OPCML: variants seen among roughly 807,000 people sequenced by gnomAD.
OPCML encodes opioid-binding protein/cell adhesion molecule.
In OPCML, 13 loss-of-function variants were observed where a neutral mutation model predicts 37.8. That is an observed-to-expected ratio of 0.34 (90% CI 0.22 to 0.55). The LOEUF is 0.55. Ranked by LOEUF, OPCML falls within the 20% of genes least tolerant of loss-of-function variation. OPCML has a pLI of 0.91. For missense variants in OPCML, 341 were observed against 435.6 expected (o/e 0.78, Z 1.93); for synonymous variants, 176 against 168.8 (o/e 1.04, Z -0.33).
At chr11:132,619,521 A>C (rs1939262081) in intron 3 of OPCML, among the ~76,000 whole-genome samples, 1 of 152,030 alleles carries the variant, frequency 6.6e-6, no homozygotes, top group African/African-American at 2.4e-5. Context: ...GCTTGGAATA[A>C]AGGAGCATGA....
rs183637702 is a variant in OPCML at position 133,056,698 on chromosome 11, G to C, written c.62-113688C>G. ...TAATCTCTGCCAAGCCCTCAAGCAT[G>C]TGCAGTACTCAGATGGTTTTCTATT... On this transcript the variant is annotated intron_variant, in intron 1 of 7. Coordinates refer to ENST00000524381, the MANE Select transcript of OPCML (RefSeq NM_001012393.5). 9.8e-5 allele frequency among the ~76,000 whole-genome samples: 15 copies of C among 152,302 alleles called. 1 individual carries two copies. In the East Asian group the frequency reaches 2.5e-3, roughly 25 times the overall value.
At chr11:133,023,415 T>C (rs148857132) in intron 1 of OPCML, among the ~76,000 whole-genome samples, 258 of 152,314 alleles carry the variant, frequency 1.7e-3, no homozygotes, top group African/African-American at 5.7e-3. Context: ...AAAGGAGTTA[T>C]AAATGAAAGA....
At chr11:133,373,327 C>T (rs1316576196) in intron 1 of OPCML, among the ~76,000 whole-genome samples, 3 of 151,176 alleles carry the variant, frequency 2.0e-5, no homozygotes, top group Non-Finnish European at 2.9e-5. Flanking sequence ...CTTTGGGAGG[C>T]TGAGGCGGGC....
intron 3 of OPCML, among the ~76,000 whole-genome samples, chr11:132,630,443 A>C (rs1455956504): frequency 6.6e-6 from 1 of 152,200 alleles, no homozygotes; most frequent in Non-Finnish European, 1.5e-5. Flanking sequence ...CTGTAACCCC[A>C]TTAAAACTGT....
chr11:133,156,484 C>T (rs775760475), intron 1 of OPCML, among the ~76,000 whole-genome samples: 1 of 152,246 alleles, frequency 6.6e-6, no homozygotes, highest in Non-Finnish European at 1.5e-5. Flanking sequence ...CAGCTGAGCA[C>T]ATGCATTCCA....
At chr11:132,762,988 T>C (rs1479020631) in intron 2 of OPCML, among the ~76,000 whole-genome samples, 1 of 152,080 alleles carries the variant, frequency 6.6e-6, no homozygotes, top group Non-Finnish European at 1.5e-5. Context: ...GCGAAGAACA[T>C]GGGAAAAGCG....
Position 132,616,074 on chromosome 11 carries a change from G to A in OPCML, c.379+41013C>T, listed in dbSNP as rs192841319. On this transcript the variant is annotated intron_variant, in intron 3 of 7. Coordinates refer to ENST00000524381, the MANE Select transcript of OPCML (RefSeq NM_001012393.5). The stretch of plus-strand genomic sequence containing the variant: ...ATACCTCAGGATATTTTTTTCTGGG[G>A]CGTTGGTCAACCTAGAATAATTCTA... Among the ~76,000 whole-genome samples, 23 of 152,270 alleles carry A rather than the reference G, an allele frequency of 1.5e-4. 1 individual carries two copies. In the East Asian group the frequency reaches 3.7e-3, roughly 24 times the overall value.
At chr11:133,502,018 C>T (rs1446691359) in intron 1 of OPCML, among the ~76,000 whole-genome samples, 3 of 152,054 alleles carry the variant, frequency 2.0e-5, no homozygotes, top group South Asian at 2.1e-4. Context: ...AGCCATTCCT[C>T]TCACCCCCCT....
At chr11:132,881,612 A>AT (rs1943227032) in intron 2 of OPCML, among the ~76,000 whole-genome samples, 2 of 140,886 alleles carry the variant, frequency 1.4e-5, no homozygotes, top group South Asian at 2.5e-4. Context: ...AAGATCCCAA[A>AT]TTTAAAAAAA....
At chr11:133,230,467 T>A (rs1940230579) in intron 1 of OPCML, among the ~76,000 whole-genome samples, 1 of 152,232 alleles carries the variant, frequency 6.6e-6, no homozygotes, top group Non-Finnish European at 1.5e-5. Context: ...CCAGAAGGGA[T>A]GCTGACCTAA....
intron 1 of OPCML, among the ~76,000 whole-genome samples, chr11:133,304,321 G>A (rs1157613502): frequency 1.3e-5 from 2 of 152,194 alleles, no homozygotes; most frequent in Non-Finnish European, 2.9e-5. Flanking sequence ...ATGGAGCTCA[G>A]CTTCTTGGCC....
chr11:133,090,752 G>T (rs1041756061), intron 1 of OPCML, among the ~76,000 whole-genome samples: 2 of 152,100 alleles, frequency 1.3e-5, no homozygotes, highest in African/African-American at 2.4e-5. Flanking sequence ...AGTGAAGACA[G>T]AATTTATAAT....
At chr11:132,666,358 T>C (rs1214051997) in intron 2 of OPCML, among the ~76,000 whole-genome samples, 1 of 152,094 alleles carries the variant, frequency 6.6e-6, no homozygotes, top group Non-Finnish European at 1.5e-5. Context: ...CAACCAGCTC[T>C]CTTGTGAACT....
intron 3 of OPCML, among the ~76,000 whole-genome samples, chr11:132,639,467 C>T (rs1462345502): frequency 6.6e-6 from 1 of 152,172 alleles, no homozygotes; most frequent in African/African-American, 2.4e-5. Flanking sequence ...TCACTCATTC[C>T]CATAAATCGC....
intron 1 of OPCML, among the ~76,000 whole-genome samples, chr11:133,137,303 C>A (rs1306579978): frequency 1.3e-5 from 2 of 152,134 alleles, no homozygotes; most frequent in Admixed American, 6.5e-5. Flanking sequence ...GTGTGTAAAT[C>A]CTGTTCTTAT....
At chr11:132,520,674 A>ATATATATATGTGTG (rs10630619) in intron 4 of OPCML, among the ~76,000 whole-genome samples, 18 of 128,096 alleles carry the variant, frequency 1.4e-4, no homozygotes, top group South Asian at 8.0e-4. Flanking sequence ...CTAAATATAT[A>ATATATATATGTGTG]TGTGTGTGTG....
intron 1 of OPCML, among the ~76,000 whole-genome samples, chr11:133,105,798 T>C (rs1349100175): frequency 6.6e-6 from 1 of 152,162 alleles, no homozygotes; most frequent in South Asian, 2.1e-4. Flanking sequence ...CTGACCAACA[T>C]GGTGAAACCC....
At chr11:133,127,816 A>G (rs980165609) in intron 1 of OPCML, among the ~76,000 whole-genome samples, 1 of 152,110 alleles carries the variant, frequency 6.6e-6, no homozygotes, top group African/African-American at 2.4e-5. Context: ...AATATAAGGG[A>G]CTATGCAAGC....
At chr11:133,404,168 G>A (rs1025861445) in intron 1 of OPCML, among the ~76,000 whole-genome samples, 1 of 152,170 alleles carries the variant, frequency 6.6e-6, no homozygotes, top group Non-Finnish European at 1.5e-5. Flanking sequence ...TATTGGCTGT[G>A]TCTTCACATC....
Sources: allele counts gnomAD v4.1 joint callset (sites outside exome capture counted in the v4.1 genomes callset), GRCh38; gene constraint gnomAD v4.1.1; transcripts MANE v1.5; gene names NCBI Gene and HGNC (gene_info 2026-07-23, HGNC 2026-07-21).